ZMYM1: variants seen among roughly 807,000 people sequenced by gnomAD.
ZMYM1 encodes the protein zinc finger MYM-type containing 1.
In ZMYM1, 39 loss-of-function variants were observed where a neutral mutation model predicts 60.0. The ratio of observed to expected loss-of-function variants is 0.65; its 90% CI spans 0.50 to 0.85. ZMYM1 has a LOEUF of 0.85. Among genes scored for constraint, ZMYM1 ranks in the 40% least tolerant of loss-of-function variants. The pLI, the probability that ZMYM1 is intolerant of heterozygous loss-of-function variation, is 0.00. For synonymous variants in ZMYM1, 413 were observed against 454.0 expected, an observed-to-expected ratio of 0.91 and a Z score of 1.15; for missense variants, 1,171 against 1,309.5, an observed-to-expected ratio of 0.89 and a Z score of 1.63.
intron 4 of ZMYM1, among the ~76,000 whole-genome samples, chr1:35,098,559 C>T (rs1011810373): frequency 8.5e-5 from 13 of 152,274 alleles, no homozygotes; most frequent in Admixed American, 5.9e-4. Flanking sequence ...TTTTACTACT[C>T]AAAGTTTCAT....
At position 35,093,900 on chromosome 1, in the gene ZMYM1, ATATTT is replaced by A. The variant is rs1643167085; in HGVS notation, c.-74-6_-74-2del. ...AATTTTAAAATCAAACTCTTTATCA[ATATTT>A]TATTTTAGGAATCTGGAAACTGTTC... On this transcript the variant is annotated splice_polypyrimidine_tract_variant and intron_variant, in intron 1 of 9. Coordinates refer to ENST00000359858, the MANE Select transcript of ZMYM1 (RefSeq NM_024772.5). 5 of 904,008 alleles carry A rather than the reference ATATTT, an allele frequency of 5.5e-6. No homozygotes were observed. The highest frequency in any genetic ancestry group is 2.7e-5 in the Admixed American group (1 of 37,216). The allele number at this position is 904,008 out of a possible 1,614,324, so 56.0% of individuals were successfully genotyped here.
chr1:35,071,277 T>C (rs943091957), intron 1 of ZMYM1, among the ~76,000 whole-genome samples: 12 of 152,142 alleles, frequency 7.9e-5, no homozygotes, highest in African/African-American at 2.9e-4. Flanking sequence ...TCGTGGTGAA[T>C]GATATTTTTG....
At chr1:35,092,992 T>A (rs1416051859) in intron 1 of ZMYM1, among the ~76,000 whole-genome samples, 1 of 152,168 alleles carries the variant, frequency 6.6e-6, no homozygotes, top group Non-Finnish European at 1.5e-5. Context: ...ACTGGGGAAT[T>A]GTGTTTTTGT....
Position 35,114,873 on chromosome 1 carries a change from G to A in ZMYM1, c.3043G>A (p.Glu1015Lys), listed in dbSNP as rs752401511. ...LNETTAKHVQ[E>K]FYKLDEDIIP... ...TGAAACAACAGCAAAACATGTTCAG[G>A]AATTTTATAAACTTGATGAGGACAT... The change falls in exon 10 of 10, where the codon GAA becomes AAA. Residue 1015 changes from glutamate to lysine, a missense_variant. Transcript: ENST00000359858. 40 of 1,606,036 alleles carry A rather than the reference G, an allele frequency of 2.5e-5. No homozygotes were observed. The South Asian group carries it at 4.3e-4, about 17-fold the overall frequency.
At chr1:35,079,815 A>G (rs1251490323) in intron 1 of ZMYM1, among the ~76,000 whole-genome samples, 1 of 152,144 alleles carries the variant, frequency 6.6e-6, no homozygotes, top group African/African-American at 2.4e-5. Context: ...GTGATTTTTC[A>G]AAAGTTTGAC....
At chr1:35,069,492 T>G (rs1569844081) in intron 1 of ZMYM1, among the ~76,000 whole-genome samples, 1 of 152,372 alleles carries the variant, frequency 6.6e-6, no homozygotes, top group East Asian at 1.9e-4. Context: ...ATTAACCTTT[T>G]GTCAGATGTA....
In ZMYM1 at chr1:35,063,125, T is replaced by G. The variant is rs145958061; in HGVS notation, c.-301+3200T>G. ...GGAGGTTTTAATAGGTCAAGCCTTTTCTTTTTTTTTTTTTTTTAAGAGACA... is the reference window on the plus strand; with the variant it reads ...GGAGGTTTTAATAGGTCAAGCCTTTGCTTTTTTTTTTTTTTTTAAGAGACA... On this transcript the variant is annotated intron_variant, in intron 1 of 10. Coordinates refer to the ZMYM1 transcript ENST00000417119. Among the ~76,000 whole-genome samples, 769 of 147,046 alleles carry G rather than the reference T, an allele frequency of 5.2e-3. 12 individuals carry two copies. The highest frequency in any genetic ancestry group is 0.019 in the African/African-American group (720 of 38,232).
chr1:35,067,110 C>G (rs961481048), intron 1 of ZMYM1, among the ~76,000 whole-genome samples: 7 of 152,008 alleles, frequency 4.6e-5, no homozygotes, highest in Admixed American at 3.3e-4. Context: ...TCCTGAGTAG[C>G]TGGGATTACA....
At chr1:35,071,977 A>C (rs908033316) in intron 1 of ZMYM1, among the ~76,000 whole-genome samples, 6 of 152,112 alleles carry the variant, frequency 3.9e-5, no homozygotes, top group African/African-American at 1.4e-4. Flanking sequence ...GTCTCTACTA[A>C]AACTATCAAA....
intron 1 of ZMYM1, among the ~76,000 whole-genome samples, chr1:35,064,887 C>T (rs543859899): frequency 1.4e-4 from 22 of 151,866 alleles, no homozygotes; most frequent in African/African-American, 4.6e-4. Flanking sequence ...CAGGGTTTCA[C>T]CGTGGTCTCT....
At chr1:35,106,587 C>A (rs959444455) in intron 6 of ZMYM1, among the ~76,000 whole-genome samples, 1 of 125,830 alleles carries the variant, frequency 7.9e-6, no homozygotes, top group African/African-American at 3.2e-5. Flanking sequence ...CCAGCCTAGG[C>A]GACAGAGTGA....
At chr1:35,062,052 G>A (rs1291952155) in intron 1 of ZMYM1, among the ~76,000 whole-genome samples, 2 of 151,954 alleles carry the variant, frequency 1.3e-5, no homozygotes, top group Non-Finnish European at 2.9e-5. Flanking sequence ...AGCTGGCCTC[G>A]AACTCTTGAC....
chr1:35,088,454 A>ATATATATG lies in ZMYM1; in HGVS notation c.-74-5459_-74-5458insATATATGT, dbSNP rs1464546786. The stretch of plus-strand genomic sequence containing the variant: ...TATGTGTATATATATATATATATAT[A>ATATATATG]TGTGTGTGTGTGTGTGTGTGTGTGT... On this transcript the variant is annotated intron_variant, in intron 1 of 9. Coordinates refer to ENST00000359858, the MANE Select transcript of ZMYM1 (RefSeq NM_024772.5). Among the ~76,000 whole-genome samples, 336 of 107,240 alleles carry ATATATATG rather than the reference A, an allele frequency of 3.1e-3. 2 individuals are homozygous for ATATATATG. The highest frequency in any genetic ancestry group is 3.8e-3 in the Non-Finnish European group (221 of 58,100). The allele number at this position is 107,240 out of a possible 152,430, so 70.4% of individuals were successfully genotyped here. A position where few individuals can be genotyped will look rare whatever the true frequency, so the allele number is the denominator to read the frequency against.
At chr1:35,096,083 G>A (rs1162301230) in intron 3 of ZMYM1, among the ~76,000 whole-genome samples, 192 bp downstream of exon 3, 1 of 152,098 alleles carries the variant, frequency 6.6e-6, no homozygotes, top group East Asian at 1.9e-4. Flanking sequence ...GGGAGGCCGA[G>A]GCAGGCGGAT....
chr1:35,104,776 A>T lies in ZMYM1; in HGVS notation c.807+7A>T. On this transcript the variant is annotated splice_region_variant and intron_variant, in intron 6 of 9. Transcript: ENST00000359858. ...TATTACAGCATATAAGCAGGTATGA[A>T]TAAAGACCTATTGTTTCTTCTATTA... 5 of 1,601,158 alleles carry T rather than the reference A, an allele frequency of 3.1e-6. No homozygotes were observed. Among genetic ancestry groups the T allele is most frequent in the Non-Finnish European group, 4.3e-6 (5 of 1,169,056 alleles).
At chr1:35,089,638 C>A (rs371030580) in intron 1 of ZMYM1, among the ~76,000 whole-genome samples, 1 of 134,102 alleles carries the variant, frequency 7.5e-6, no homozygotes, top group African/African-American at 2.7e-5. Flanking sequence ...TTATTTTTTT[C>A]TTTTTTTGAG....
intron 1 of ZMYM1, among the ~76,000 whole-genome samples, chr1:35,081,834 T>G (rs1432035443): frequency 6.6e-6 from 1 of 152,192 alleles, no homozygotes; most frequent in Non-Finnish European, 1.5e-5. Context: ...TAGCTGGGAT[T>G]ACAGGTGCCC....
intron 1 of ZMYM1, among the ~76,000 whole-genome samples, chr1:35,081,533 C>T (rs1246119692): frequency 6.6e-6 from 1 of 152,112 alleles, no homozygotes; most frequent in East Asian, 1.9e-4. Flanking sequence ...CATCAATGAG[C>T]ATTTATTTAG....
chr1:35,114,579 G>A lies in ZMYM1; in HGVS notation c.2749G>A (p.Glu917Lys), dbSNP rs1644205372. 1 of 1,609,994 alleles carries A rather than the reference G, an allele frequency of 6.2e-7. No individual in the cohort carries two copies. Among genetic ancestry groups the A allele is most frequent in the Non-Finnish European group, 8.5e-7 (1 of 1,178,590 alleles). The stretch of plus-strand genomic sequence containing the variant: ...CTTTAAAACAATCTGGGATGGAACA[G>A]AGGAAATATGTCAAAAAATAACCTG... ...VYFKTIWDGTEEICQKITCKG... is the reference protein window; with the variant it reads ...VYFKTIWDGTKEICQKITCKG... The change falls in exon 10 of 10, where the codon GAG becomes AAG. Residue 917 changes from glutamate to lysine, a missense_variant. Transcript: ENST00000359858.
Sources: gnomAD v4.1 joint callset for allele counts (sites outside exome capture counted in the v4.1 genomes callset) on GRCh38, gnomAD v4.1.1 for gene constraint, MANE v1.5 for transcripts, NCBI Gene and HGNC (gene_info 2026-07-23, HGNC 2026-07-21) for gene names.